Variants in SHANK1 observed in about 807,000 individuals in gnomAD.
SHANK1 encodes SH3 and multiple ankyrin repeat domains 1, also known as SH3 and multiple ankyrin repeat domains protein 1.
In SHANK1, 35 loss-of-function variants were observed where a neutral mutation model predicts 165.6. The observed-to-expected ratio is 0.21, with a 90% CI of 0.16 to 0.28. SHANK1 has a LOEUF of 0.28. Ranked by LOEUF, SHANK1 falls within the 10% of genes least tolerant of loss-of-function variation. SHANK1 has a pLI of 1.00. For synonymous variants in SHANK1, 1,428 were observed against 1,384.8 expected (o/e 1.03, Z -0.69); for missense variants, 2,681 against 3,036.4 (o/e 0.88, Z 2.75).
intron 23 of SHANK1, among the ~76,000 whole-genome samples, chr19:50,664,104 C>T (rs1985385801): frequency 7.3e-6 from 1 of 136,264 alleles, no homozygotes; most frequent in Non-Finnish European, 1.5e-5. Flanking sequence ...TGTGCCCAGC[C>T]TCCTTTTTCT....
At position 50,687,497 on chromosome 19, in the gene SHANK1, A is replaced by T. The variant is rs954526920; in HGVS notation, c.2389+85T>A. Reference sequence around the variant, plus strand: ...TGAGGACAAGGACCCCTGGTCACTAACAACACTAACGAACTCAAGGGATGG... The same window carrying T: ...TGAGGACAAGGACCCCTGGTCACTATCAACACTAACGAACTCAAGGGATGG... On this transcript the variant is annotated intron_variant, in intron 19 of 23. Coordinates refer to ENST00000293441, the MANE Select transcript of SHANK1 (RefSeq NM_016148.5). 1.6e-5 allele frequency: 17 copies of T among 1,079,952 alleles called. No individual in the cohort carries two copies. In the Middle Eastern group the frequency reaches 6.1e-4, roughly 39 times the overall value. 66.9% of individuals were successfully genotyped at this position (1,079,952 alleles called of 1,614,324 possible).
At position 50,659,668 on chromosome 19, in the gene SHANK1, ATTTTC is replaced by A. The variant is rs1985111112; in HGVS notation, c.*2292_*2296del. On this transcript the variant is annotated 3_prime_UTR_variant, in exon 24 of 24. Coordinates refer to ENST00000293441, the MANE Select transcript of SHANK1 (RefSeq NM_016148.5). Reference sequence around the variant, plus strand: ...TGTGTTTTTTTTTTCTGTTTTTTATATTTTCTTCTTTTGTTATTGTTCCTCTTTTT... The same window carrying A: ...TGTGTTTTTTTTTTCTGTTTTTTATATTCTTTTGTTATTGTTCCTCTTTTT... 7.9e-6 allele frequency among the ~76,000 whole-genome samples: 1 copy of A among 126,172 alleles called. No individual in the cohort carries two copies. The highest frequency in any genetic ancestry group is 2.3e-4 in the East Asian group (1 of 4,292). The allele number at this position is 126,172 out of a possible 152,430, so 82.8% of individuals were successfully genotyped here.
At chr19:50,711,319 G>T in intron 8 of SHANK1, 52 bp downstream of exon 8, 7 of 1,247,980 alleles carry the variant, frequency 5.6e-6, no homozygotes, top group Non-Finnish European at 8.0e-6. Context: ...GGCCCTGGGG[G>T]AGGCGGCTAT....
intron 23 of SHANK1, among the ~76,000 whole-genome samples, chr19:50,665,729 CCT>C (rs1470219479): frequency 1.7e-5 from 1 of 60,548 alleles, no homozygotes; most frequent in Non-Finnish European, 3.2e-5. Flanking sequence ...AGAGTGAGAC[CCT>C]GTTTCTAAAA....
At position 50,660,027 on chromosome 19, in the gene SHANK1, C is replaced by T. The variant is rs1454373231; in HGVS notation, c.*1938G>A. On this transcript the variant is annotated 3_prime_UTR_variant, in exon 24 of 24. Transcript: ENST00000293441. ...GCTTGCAGCCCCCTCCCCTCATGGA[C>T]GGAGCGCCCCCCCCTCTCGGGGGTA... 4.7e-5 allele frequency among the ~76,000 whole-genome samples: 7 copies of T among 150,128 alleles called. No homozygotes were observed. The highest frequency in any genetic ancestry group is 1.3e-4 in the Admixed American group (2 of 15,132).
intron 8 of SHANK1, among the ~76,000 whole-genome samples, chr19:50,709,906 C>T (rs987073575): frequency 1.3e-5 from 2 of 152,190 alleles, no homozygotes; most frequent in Admixed American, 6.5e-5. Context: ...TTCTGTCTCT[C>T]GACTGGACCC....
In SHANK1 at chr19:50,716,552, C is replaced by A. The variant is rs2089071894; in HGVS notation, c.256-74G>T. The A allele has an allele frequency of 6.3e-7, 1 of 1,580,020 alleles. No homozygotes were observed. On this transcript the variant is annotated intron_variant, in intron 2 of 23. Transcript: ENST00000293441. This position sits in a 1 kb window ranked among gnomAD's most constrained non-coding sequence, Gnocchi z 8.4. ...AGCCTGAGGTGGGTTGGGAAGTGAGCCAGGAGCTGAGTGTGGGGGTGATTC... is the reference window on the plus strand; with the variant it reads ...AGCCTGAGGTGGGTTGGGAAGTGAGACAGGAGCTGAGTGTGGGGGTGATTC...
Position 50,697,996 on chromosome 19 carries a change from C to G in SHANK1, c.1748-40G>C. 7 of 1,427,022 alleles carry G rather than the reference C, an allele frequency of 4.9e-6. No individual in the cohort carries two copies. The highest frequency in any genetic ancestry group is 6.9e-6 in the Non-Finnish European group (7 of 1,020,792). The allele number at this position is 1,427,022 out of a possible 1,614,324, so 88.4% of individuals were successfully genotyped here. ...GGGACATAGAGACATTTCTGTGTTT[C>G]TGTGCTGCCCCTCAACTGCCAACAC... On this transcript the variant is annotated intron_variant, in intron 12 of 23. Transcript: ENST00000293441. This position sits in a 1 kb window ranked among gnomAD's most constrained non-coding sequence, Gnocchi z 4.7.
chr19:50,669,078 G>C lies in SHANK1; in HGVS notation c.2882C>G (p.Pro961Arg). The C allele has an allele frequency of 2.3e-6, 3 of 1,295,928 alleles. No homozygotes were observed. The highest frequency in any genetic ancestry group is 3.1e-6 in the Non-Finnish European group (3 of 960,346). The allele number at this position is 1,295,928 out of a possible 1,614,324, so 80.3% of individuals were successfully genotyped here. ...GGATGCAGGGGAGGAGGCGGGGAGG[G>C]GGCCACCAGAGCCAGGGTTGAAGGG... ...GGPFNPGSGG[P>R]LPASSPASFD... The change falls in exon 23 of 24, where the codon CCC (proline) becomes CGC (arginine). Residue 961 changes from proline (P) to arginine (R), a missense_variant. Physicochemically the swap from Pro to Arg is moderately radical, Grantham distance 103 (BLOSUM62 -2). Transcript: ENST00000293441.
In SHANK1 at chr19:50,686,513, G is replaced by A. The variant is rs1036732725; in HGVS notation, c.2459-158C>T. Among the ~76,000 whole-genome samples, 1 of 152,182 alleles carries A rather than the reference G, an allele frequency of 6.6e-6. No individual in the cohort carries two copies. The highest frequency in any genetic ancestry group is 1.5e-5 in the Non-Finnish European group (1 of 68,030). ...TGGGTCCGGGTGGACGGGCAGTCCC[G>A]CTTGGAGACACAATCTCCCAGCCCA... On this transcript the variant is annotated intron_variant, in intron 20 of 23. Coordinates refer to ENST00000293441, the MANE Select transcript of SHANK1 (RefSeq NM_016148.5). The surrounding 1 kb of genome is among the most constrained non-coding windows in gnomAD (Gnocchi z 5.7).
At chr19:50,692,554 T>C (rs990472813) in intron 15 of SHANK1, among the ~76,000 whole-genome samples, 4 of 150,556 alleles carry the variant, frequency 2.7e-5, no homozygotes, top group African/African-American at 9.9e-5. Flanking sequence ...CTTCTGCTTC[T>C]CAACCACCCC....
chr19:50,671,303 C>A (rs1014203520), intron 22 of SHANK1, among the ~76,000 whole-genome samples: 50 of 149,986 alleles, frequency 3.3e-4, no homozygotes, highest in Non-Finnish European at 6.5e-4. Context: ...CCTGCCTCAG[C>A]CTCCTGAGTA....
chr19:50,687,856 C>T (rs1221012959), intron 18 of SHANK1, 67 bp downstream of exon 18: 3 of 1,598,872 alleles, frequency 1.9e-6, no homozygotes, highest in South Asian at 1.1e-5. Flanking sequence ...CAGCAACCAG[C>T]CCTGGGGCTC....
intron 21 of SHANK1, among the ~76,000 whole-genome samples, chr19:50,680,296 G>A (rs917177285): frequency 6.6e-6 from 1 of 152,088 alleles, no homozygotes. Context: ...CAGAGAGGAA[G>A]GAGGGAGGGC....
In SHANK1 at chr19:50,661,327, A is replaced by G. The variant is rs1985207129; in HGVS notation, c.*638T>C. On this transcript the variant is annotated 3_prime_UTR_variant, in exon 24 of 24. Coordinates refer to ENST00000293441, the MANE Select transcript of SHANK1 (RefSeq NM_016148.5). ...GAAAGGAAATGCAGCGTGTGCGAGG[A>G]GAGCAGAGTGTATTTGAGCGGGCCT... 6.6e-6 allele frequency among the ~76,000 whole-genome samples: 1 copy of G among 152,126 alleles called. No individual in the cohort carries two copies. Among genetic ancestry groups the G allele is most frequent in the South Asian group, 2.1e-4 (1 of 4,828 alleles).
At chr19:50,704,048 A>C (rs2088905509) in intron 10 of SHANK1, 72 bp downstream of exon 10, 2 of 1,484,948 alleles carry the variant, frequency 1.3e-6, no homozygotes, top group African/African-American at 1.4e-5. Flanking sequence ...CAGGTCCCCC[A>C]ACTCCCCCAT....
At position 50,667,555 on chromosome 19, in the gene SHANK1, G is replaced by A. The variant is rs1042563649; in HGVS notation, c.4405C>T (p.Pro1469Ser). The A allele has an allele frequency of 3.4e-6, 5 of 1,463,522 alleles. No individual in the cohort carries two copies. The highest frequency in any genetic ancestry group is 3.6e-6 in the Non-Finnish European group (4 of 1,120,388). The allele number at this position is 1,463,522 out of a possible 1,614,324, so 90.7% of individuals were successfully genotyped here. The change falls in exon 23 of 24, where the codon CCG (proline) becomes TCG (serine). Residue 1469 changes from proline to serine, a missense_variant. Pro to Ser is a moderately conservative substitution (Grantham distance 74). This residue lies in a region of SHANK1 where 1,713 missense variants were observed against 1,630.2 expected (regional missense o/e 1.05). Transcript: ENST00000293441. The surrounding 1 kb of genome is among the most constrained non-coding windows in gnomAD (Gnocchi z 5.7). ...CAGGGCTTGCTTACTCCGGGGTGCG[G>A]GGCCGGGGGCTCCGTCCCCAGCTGC... Reference protein sequence around the residue: ...LLQLGTEPPAPHPGVSKPWRS... With the variant: ...LLQLGTEPPASHPGVSKPWRS...
At position 50,716,335 on chromosome 19, in the gene SHANK1, C is replaced by T. The variant is rs768881251; in HGVS notation, c.399G>A (p.Glu133=). Residue 133 remains glutamate, a synonymous_variant, in exon 3 of 24, where the codon GAG becomes GAA. Transcript: ENST00000293441. The surrounding 1 kb of genome is among the most constrained non-coding windows in gnomAD (Gnocchi z 8.4). ...ATSGRDANFL[E]EERLLREYPQ... is the part of the protein sequence containing the mutation. ...GGTACTCCCGCAGCAGCCTCTCCTC[C>T]TCCAGGAAGTTGGCATCGCGGCCGG... is the stretch of plus-strand genomic sequence containing the variant. 57 of 1,614,082 alleles carry T rather than the reference C, an allele frequency of 3.5e-5. No individual in the cohort carries two copies. Among genetic ancestry groups the T allele is most frequent in the Non-Finnish European group, 3.2e-5 (38 of 1,180,036 alleles).
chr19:50,709,731 C>T (rs1307125766), intron 8 of SHANK1, among the ~76,000 whole-genome samples: 1 of 152,032 alleles, frequency 6.6e-6, no homozygotes, highest in African/African-American at 2.4e-5. Context: ...TGTATTTTTT[C>T]ATAGAGACCA....
Sources: gnomAD v4.1 joint callset for allele counts (sites outside exome capture counted in the v4.1 genomes callset) on GRCh38, gnomAD v4.1.1 for gene constraint, gnomAD v4.1.1 regional missense constraint, Gnocchi (gnomAD v3.1) non-coding constraint, MANE v1.5 for transcripts, NCBI Gene and HGNC (gene_info 2026-07-23, HGNC 2026-07-21) for gene names.